SLC24A2: variants seen among roughly 807,000 people sequenced by gnomAD.
SLC24A2 encodes sodium/potassium/calcium exchanger 2.
SLC24A2 carries 36 observed loss-of-function variants against 62.0 expected under a neutral mutation model. The ratio of observed to expected loss-of-function variants is 0.58; its 90% CI spans 0.44 to 0.77. SLC24A2 has a LOEUF of 0.77. SLC24A2 is among the 30% of genes least tolerant of loss of function. The pLI, the probability that SLC24A2 is intolerant of heterozygous loss-of-function variation, is 0.00. For missense variants in SLC24A2, 846 were observed against 817.9 expected (o/e 1.03, Z -0.42); for synonymous variants, 358 against 294.0 (o/e 1.22, Z -2.23).
the SLC24A2 span, among the ~76,000 whole-genome samples, chr9:20,288,364 G>T: frequency 3.2e-4 from 49 of 151,978 alleles, no homozygotes; most frequent in Non-Finnish European, 2.6e-4. Flanking sequence ...CTCCTACCAA[G>T]AAGTAAAGTC....
At chr9:19,810,862 A>C in the SLC24A2 span, among the ~76,000 whole-genome samples, 3 of 152,252 alleles carry the variant, frequency 2.0e-5, no homozygotes, top group Admixed American at 1.3e-4. Context: ...GACTAGAAAA[A>C]TAGGTATATA....
the SLC24A2 span, among the ~76,000 whole-genome samples, chr9:20,222,625 G>C: frequency 6.6e-6 from 1 of 152,064 alleles, no homozygotes; most frequent in African/African-American, 2.4e-5. Flanking sequence ...TGATCTGGCA[G>C]AGTGTAAAAA....
intron 5 of SLC24A2, among the ~76,000 whole-genome samples, chr9:19,591,316 A>G (rs1484418620): frequency 1.3e-5 from 2 of 152,198 alleles, no homozygotes; most frequent in African/African-American, 4.8e-5. Context: ...AGCTTGCTCT[A>G]TTCTCAGTCT....
intron 2 of SLC24A2, among the ~76,000 whole-genome samples, chr9:19,782,219 G>A (rs1823038427): frequency 6.6e-6 from 1 of 152,192 alleles, no homozygotes; most frequent in Non-Finnish European, 1.5e-5. Flanking sequence ...GCCCCCAGCA[G>A]CCAGGCTAGG....
chr9:19,769,570 C>T (rs1399186232), intron 2 of SLC24A2, among the ~76,000 whole-genome samples: 1 of 152,234 alleles, frequency 6.6e-6, no homozygotes, highest in Non-Finnish European at 1.5e-5. Context: ...TTTGACCCTA[C>T]ACTTACTGAC....
chr9:20,009,383 C>CA, the SLC24A2 span, among the ~76,000 whole-genome samples: 2,413 of 111,672 alleles, frequency 0.022, 109 homozygotes, highest in East Asian at 0.24. Flanking sequence ...AACTCTGTCT[C>CA]AAAAAAAAAA....
chr9:20,003,825 T>C, the SLC24A2 span, among the ~76,000 whole-genome samples: 1 of 151,790 alleles, frequency 6.6e-6, no homozygotes, highest in Admixed American at 6.6e-5. Flanking sequence ...AGAAGTAGCT[T>C]GCCAATGCCT....
chr9:19,790,005 C>A (rs77143358), upstream of SLC24A2, among the ~76,000 whole-genome samples: 33,676 of 151,862 alleles, frequency 0.22, 3,873 homozygotes, highest in East Asian at 0.4. Context: ...ACCTCTGGGC[C>A]TACTCATCAA....
At chr9:19,713,439 G>A (rs1820770229) in intron 2 of SLC24A2, among the ~76,000 whole-genome samples, 1 of 152,124 alleles carries the variant, frequency 6.6e-6, no homozygotes, top group Non-Finnish European at 1.5e-5. Flanking sequence ...ATTATGCTTT[G>A]AATGCGAAAA....
chr9:19,759,807 T>C (rs904814324), intron 2 of SLC24A2, among the ~76,000 whole-genome samples: 3 of 152,318 alleles, frequency 2.0e-5, no homozygotes, highest in African/African-American at 4.8e-5. Flanking sequence ...ATAAACCATA[T>C]ACTGGCATAA....
the SLC24A2 span, among the ~76,000 whole-genome samples, chr9:19,868,547 G>T: frequency 6.6e-6 from 1 of 152,098 alleles, no homozygotes; most frequent in Non-Finnish European, 1.5e-5. Flanking sequence ...TTAAATTTCT[G>T]TCTAGCTGTT....
Position 19,666,860 on chromosome 9 carries a change from C to T in SLC24A2, c.931-44561G>A, listed in dbSNP as rs193178055. ...GTGGGACTCTGTTCTTTGTCTAAGA[C>T]ATTTTATCTTTTCTAAAGCACAGTG... On this transcript the variant is annotated intron_variant, in intron 2 of 10. Transcript: ENST00000341998. Among the ~76,000 whole-genome samples, 495 of 152,266 alleles carry T rather than the reference C, an allele frequency of 3.3e-3. 1 individual carries two copies. Among genetic ancestry groups the T allele is most frequent in the Non-Finnish European group, 5.5e-3 (377 of 68,002 alleles).
chr9:19,970,639 T>G, the SLC24A2 span, among the ~76,000 whole-genome samples: 35 of 152,180 alleles, frequency 2.3e-4, no homozygotes, highest in Non-Finnish European at 2.9e-4. Context: ...AATAATACCA[T>G]GGGATGAAGA....
At chr9:19,988,942 T>C in the SLC24A2 span, among the ~76,000 whole-genome samples, 1 of 152,216 alleles carries the variant, frequency 6.6e-6, no homozygotes, top group Non-Finnish European at 1.5e-5. Context: ...TCACAGACAT[T>C]AGATTTTCTT....
At chr9:20,217,805 T>C in the SLC24A2 span, among the ~76,000 whole-genome samples, 1 of 152,242 alleles carries the variant, frequency 6.6e-6, no homozygotes, top group Non-Finnish European at 1.5e-5. Flanking sequence ...TCAATTTGAG[T>C]CACATCTGGC....
At chr9:19,841,945 T>C in the SLC24A2 span, among the ~76,000 whole-genome samples, 4 of 152,136 alleles carry the variant, frequency 2.6e-5, no homozygotes, top group South Asian at 8.3e-4. Context: ...AGCATGAACT[T>C]CTCCTTATGA....
rs1491476004 is a variant in SLC24A2, at chr9:19,636,326, T to TTCTTTTCTTTTCTTTTC, written c.931-14028_931-14027insGAAAAGAAAAGAAAAGA. 1.0e-2 allele frequency among the ~76,000 whole-genome samples: 268 copies of TTCTTTTCTTTTCTTTTC among 26,814 alleles called. 18 individuals carry two copies. Among genetic ancestry groups the TTCTTTTCTTTTCTTTTC allele is most frequent in the Middle Eastern group, 0.016 (1 of 64 alleles). 17.6% of individuals were successfully genotyped at this position (26,814 alleles called of 152,430 possible). A position where few individuals can be genotyped will look rare whatever the true frequency, so the allele number is the denominator to read the frequency against. Reference sequence around the variant, plus strand: ...TTTCTTTTCTTTTCTTTTCTTTCTTTCTTTCTTTCTTTCTTTCTTTCTTTC... The same window carrying TTCTTTTCTTTTCTTTTC: ...TTTCTTTTCTTTTCTTTTCTTTCTTTTCTTTTCTTTTCTTTTCCTTTCTTTCTTTCTTTCTTTCTTTC... On this transcript the variant is annotated intron_variant, in intron 2 of 10. Coordinates refer to ENST00000341998, the MANE Select transcript of SLC24A2 (RefSeq NM_020344.4).
At chr9:20,164,990 G>T in the SLC24A2 span, among the ~76,000 whole-genome samples, 2 of 114,276 alleles carry the variant, frequency 1.8e-5, no homozygotes, top group South Asian at 3.6e-4. Flanking sequence ...GTTGTGGGGT[G>T]GGGGGAGGGG....
the SLC24A2 span, among the ~76,000 whole-genome samples, chr9:20,249,964 C>T: frequency 6.6e-6 from 1 of 152,086 alleles, no homozygotes; most frequent in African/African-American, 2.4e-5. Flanking sequence ...CAAAGTAACT[C>T]AGAATCTAAA....
Sources: gnomAD v4.1 joint callset for allele counts (sites outside exome capture counted in the v4.1 genomes callset) on GRCh38, gnomAD v4.1.1 for gene constraint, MANE v1.5 for transcripts, NCBI Gene and HGNC (gene_info 2026-07-23, HGNC 2026-07-21) for gene names.